PRICKLE1: variants seen among roughly 807,000 people sequenced by gnomAD.
The protein encoded by PRICKLE1 is prickle-like protein 1.
Under a neutral mutation model 70.2 loss-of-function variants are expected in PRICKLE1, and 14 were observed. The observed-to-expected ratio is 0.20, with a 90% CI of 0.13 to 0.31. PRICKLE1 has a LOEUF of 0.31. Ranked by LOEUF, PRICKLE1 falls within the 10% of genes least tolerant of loss-of-function variation. PRICKLE1 has a pLI of 1.00. For missense variants in PRICKLE1, 821 were observed against 1,026.2 expected, an observed-to-expected ratio of 0.80 and a Z score of 2.73; for synonymous variants, 357 against 379.9, an observed-to-expected ratio of 0.94 and a Z score of 0.70.
At chr12:42,535,629 G>T (rs1417534541) in intron 1 of PRICKLE1, among the ~76,000 whole-genome samples, 1 of 152,146 alleles carries the variant, frequency 6.6e-6, no homozygotes, top group Non-Finnish European at 1.5e-5. Flanking sequence ...ACTCTGAAAT[G>T]CAGGTGCAAG....
intron 1 of PRICKLE1, among the ~76,000 whole-genome samples, chr12:42,560,766 TCTCACACA>T (rs1180478051): frequency 1.5e-3 from 176 of 119,372 alleles, no homozygotes; most frequent in Non-Finnish European, 1.9e-3. Flanking sequence ...AAGCCCATCT[TCTCACACA>T]CACACACACA....
intron 1 of PRICKLE1, among the ~76,000 whole-genome samples, chr12:42,479,633 C>T (rs890848579): frequency 3.9e-5 from 6 of 152,170 alleles, no homozygotes; most frequent in African/African-American, 1.4e-4. Flanking sequence ...AGCCAACTGA[C>T]ATTTATTCCA....
chr12:42,528,934 A>C (rs1939860958), intron 1 of PRICKLE1, among the ~76,000 whole-genome samples: 1 of 152,222 alleles, frequency 6.6e-6, no homozygotes, highest in South Asian at 2.1e-4. Context: ...ATAATTCTTC[A>C]TATGGAAACC....
chr12:42,584,926 C>A (rs750282088), intron 1 of PRICKLE1, among the ~76,000 whole-genome samples: 2 of 152,082 alleles, frequency 1.3e-5, no homozygotes, highest in African/African-American at 4.8e-5. Context: ...GAGAAGCACA[C>A]GCAAAGCAGA....
intron 1 of PRICKLE1, among the ~76,000 whole-genome samples, chr12:42,511,757 G>T (rs780105952): frequency 1.1e-4 from 17 of 152,140 alleles, no homozygotes; most frequent in Non-Finnish European, 2.1e-4. Flanking sequence ...TGGAAGCAGG[G>T]GATGAATAGG....
At chr12:42,489,844 T>A (rs1191645551) in intron 1 of PRICKLE1, 1 of 152,068 alleles carries the variant, frequency 6.6e-6, no homozygotes, top group Non-Finnish European at 1.5e-5. Flanking sequence ...CACATTTCCA[T>A]AGAGCCAGAC....
intron 2 of PRICKLE1, among the ~76,000 whole-genome samples, chr12:42,470,860 C>T (rs1432045939): frequency 6.6e-6 from 1 of 151,378 alleles, no homozygotes; most frequent in Non-Finnish European, 1.5e-5. Context: ...CACCCAAGAT[C>T]GCGCCACTGC....
intron 1 of PRICKLE1, among the ~76,000 whole-genome samples, chr12:42,569,890 C>A (rs1043265536): frequency 6.6e-6 from 1 of 152,240 alleles, no homozygotes; most frequent in Non-Finnish European, 1.5e-5. Context: ...CTAAACAGCA[C>A]AGACTCTGAA....
intron 1 of PRICKLE1, among the ~76,000 whole-genome samples, chr12:42,571,458 T>C (rs1335289031): frequency 6.6e-6 from 1 of 152,138 alleles, no homozygotes; most frequent in African/African-American, 2.4e-5. Context: ...AAACCCAGGC[T>C]GTGTTTAAAG....
intron 1 of PRICKLE1, among the ~76,000 whole-genome samples, chr12:42,520,000 G>A (rs1404340952): frequency 2.6e-5 from 4 of 152,162 alleles, no homozygotes; most frequent in Non-Finnish European, 5.9e-5. Context: ...GGTAGCCCAG[G>A]ATGGGGTATT....
chr12:42,562,540 A>C (rs1940534237), intron 1 of PRICKLE1, among the ~76,000 whole-genome samples: 1 of 152,058 alleles, frequency 6.6e-6, no homozygotes, highest in Non-Finnish European at 1.5e-5. Context: ...CCTTAAAAAT[A>C]AGAAAAAATT....
intron 1 of PRICKLE1, among the ~76,000 whole-genome samples, chr12:42,481,221 TC>T (rs1938780901): frequency 6.6e-6 from 1 of 152,180 alleles, no homozygotes; most frequent in Non-Finnish European, 1.5e-5. Context: ...CTGGTATGAT[TC>T]CTATTATTCA....
At position 42,460,134 on chromosome 12, in the gene PRICKLE1, T is replaced by A. The variant is rs747481880; in HGVS notation, c.2171A>T (p.Tyr724Phe). ...TCCGTAGAGATCAGCATTCTGGATGTATGCTTGGATCTCCCGGGCACTTTT... is the reference window on the plus strand; with the variant it reads ...TCCGTAGAGATCAGCATTCTGGATGAATGCTTGGATCTCCCGGGCACTTTT... ...QNKSAREIQA[Y>F]IQNADLYGQY... is the part of the protein sequence containing the mutation. Residue 724 changes from tyrosine (Y) to phenylalanine (F), a missense_variant, in exon 8 of 8, where the codon TAC becomes TTC. Tyr to Phe is a conservative substitution (Grantham distance 22). Coordinates refer to ENST00000345127, the MANE Select transcript of PRICKLE1 (RefSeq NM_153026.3). The A allele has an allele frequency of 1.2e-6, 2 of 1,614,098 alleles. No homozygotes were observed. The highest frequency in any genetic ancestry group is 2.2e-5 in the South Asian group (2 of 91,060).
In PRICKLE1 at chr12:42,465,121, T is replaced by C; in HGVS notation, c.913A>G (p.Thr305Ala). 6.4e-7 allele frequency: 1 copy of C among 1,573,284 alleles called. No individual in the cohort carries two copies. The change falls in exon 7 of 8, where the codon ACG becomes GCG. Residue 305 changes from threonine (T) to alanine (A), a missense_variant. Coordinates refer to ENST00000345127, the MANE Select transcript of PRICKLE1 (RefSeq NM_153026.3). ...TGGACGTCTTCACCAAGACTGCACG[T>C]TTTTGAGCAGTAAATCTGACCCTGT... The part of the protein sequence containing the change: ...PKQGQIYCSK[T>A]CSLGEDVHAS...
Position 42,472,469 on chromosome 12 carries a change from A to G in PRICKLE1, c.48T>C (p.Cys16=), listed in dbSNP as rs773216441. 1.2e-6 allele frequency: 2 copies of G among 1,614,082 alleles called. No individual in the cohort carries two copies. The part of the protein sequence containing the change: ...EPKMSKLAFG[C]QRSSTSDDDS... ...CATCATCTGATGTGGAACTTCTCTG[A>G]CAGCCAAAGGCCAGTTTGCTCATCT... The change falls in exon 2 of 8, where the codon TGT becomes TGC. Residue 16 remains cysteine, a synonymous_variant. Transcript: ENST00000345127.
intron 1 of PRICKLE1, among the ~76,000 whole-genome samples, chr12:42,475,518 A>G (rs60982601): frequency 0.047 from 7,171 of 151,862 alleles, 578 homozygotes; most frequent in African/African-American, 0.16. Flanking sequence ...CCAGGGGGGG[A>G]GTGCTGATGG....
At chr12:42,518,225 G>T (rs1939643172) in intron 1 of PRICKLE1, among the ~76,000 whole-genome samples, 1 of 151,570 alleles carries the variant, frequency 6.6e-6, no homozygotes, top group Non-Finnish European at 1.5e-5. Flanking sequence ...TAAAATTTTT[G>T]TAGAGATGGG....
Position 42,466,526 on chromosome 12 carries a change from A to T in PRICKLE1, c.589-146T>A, listed in dbSNP as rs921160660. 8.5e-6 allele frequency: 6 copies of T among 702,922 alleles called. No individual in the cohort carries two copies. The African/African-American group carries it at 1.1e-4, about 12-fold the overall frequency. 43.5% of individuals were successfully genotyped at this position (702,922 alleles called of 1,614,324 possible). On this transcript the variant is annotated intron_variant, in intron 5 of 7. Coordinates refer to ENST00000345127, the MANE Select transcript of PRICKLE1 (RefSeq NM_153026.3). ...GCTAACCTTGTTTCTTAGAGTCACA[A>T]GCTTAAATCTAACACTTGATTTAGC...
chr12:42,471,351 G>GA (rs1316434463), intron 2 of PRICKLE1, among the ~76,000 whole-genome samples: 2 of 151,436 alleles, frequency 1.3e-5, no homozygotes, highest in East Asian at 1.9e-4. Flanking sequence ...AGGAATAAAA[G>GA]AAAAAAAAGA....
Sources: allele counts gnomAD v4.1 joint callset (sites outside exome capture counted in the v4.1 genomes callset), GRCh38; gene constraint gnomAD v4.1.1; transcripts MANE v1.5; gene names NCBI Gene and HGNC (gene_info 2026-07-23, HGNC 2026-07-21).